Variants in ARHGAP10 observed in about 807,000 individuals in gnomAD.
ARHGAP10 encodes the protein rho GTPase-activating protein 10.
A neutral mutation model predicts 108.6 loss-of-function variants in ARHGAP10; 87 were observed. The observed-to-expected ratio is 0.80, with a 90% CI of 0.67 to 0.96. ARHGAP10 has a LOEUF of 0.96. Ranked by LOEUF, ARHGAP10 falls within the 40% of genes least tolerant of loss-of-function variation. The pLI is 0.00. For missense variants in ARHGAP10, 939 were observed against 954.5 expected, an observed-to-expected ratio of 0.98 and a Z score of 0.21; for synonymous variants, 347 against 341.1, an observed-to-expected ratio of 1.02 and a Z score of -0.19.
At chr4:148,066,595 C>T (rs1729888814) in intron 22 of ARHGAP10, among the ~76,000 whole-genome samples, 1 of 152,246 alleles carries the variant, frequency 6.6e-6, no homozygotes, top group African/African-American at 2.4e-5. Flanking sequence ...CATATGTACA[C>T]ACATGTGCAC....
At chr4:147,860,557 G>A (rs902436940) in intron 5 of ARHGAP10, among the ~76,000 whole-genome samples, 5 of 151,084 alleles carry the variant, frequency 3.3e-5, no homozygotes, top group African/African-American at 1.2e-4. Context: ...TGTTTATTGG[G>A]CATAATAGCT....
chr4:147,830,441 A>G (rs1164344693), intron 3 of ARHGAP10, among the ~76,000 whole-genome samples: 1 of 151,572 alleles, frequency 6.6e-6, no homozygotes, highest in East Asian at 1.9e-4. Flanking sequence ...TTTTGTTCCA[A>G]ACTATTAGGT....
At chr4:147,918,084 A>G (rs929487541) in intron 13 of ARHGAP10, among the ~76,000 whole-genome samples, 3 of 151,834 alleles carry the variant, frequency 2.0e-5, no homozygotes, top group African/African-American at 7.3e-5. Context: ...ATTTAAATAC[A>G]CTGGATTTTG....
At chr4:147,980,680 G>A (rs1739778375) in intron 18 of ARHGAP10, among the ~76,000 whole-genome samples, 1 of 152,102 alleles carries the variant, frequency 6.6e-6, no homozygotes, top group South Asian at 2.1e-4. Context: ...TTTCTTGGTT[G>A]GTAGGTTTTT....
At chr4:147,829,096 G>C (rs1732842996) in intron 3 of ARHGAP10, among the ~76,000 whole-genome samples, 1 of 151,364 alleles carries the variant, frequency 6.6e-6, no homozygotes, top group African/African-American at 2.4e-5. Context: ...CTGTTGCCCA[G>C]GCTGGAGTGC....
At chr4:147,848,633 C>T (rs1733730552) in intron 4 of ARHGAP10, among the ~76,000 whole-genome samples, 1 of 152,184 alleles carries the variant, frequency 6.6e-6, no homozygotes, top group African/African-American at 2.4e-5. Context: ...GTGTAAACAA[C>T]ATCCATTTCT....
chr4:147,833,750 G>T (rs560426628), intron 3 of ARHGAP10, among the ~76,000 whole-genome samples: 29 of 152,264 alleles, frequency 1.9e-4, no homozygotes, highest in African/African-American at 7.0e-4. Flanking sequence ...TTTTTTTGTG[G>T]TAGGATATAA....
At chr4:147,792,796 T>G (rs1731169253) in intron 1 of ARHGAP10, among the ~76,000 whole-genome samples, 1 of 152,178 alleles carries the variant, frequency 6.6e-6, no homozygotes, top group Non-Finnish European at 1.5e-5. Context: ...GTGAACTCCT[T>G]TTCAGCTGAG....
rs531013282 is a variant in ARHGAP10, at chr4:147,793,031, T to C, written c.155-29696T>C. ...TGCATGCCTGTAGTCCCAGCTACTC[T>C]GGAGGCTGAGGCAGGAGAATCACTT... On this transcript the variant is annotated intron_variant, in intron 1 of 22. Coordinates refer to ENST00000336498, the MANE Select transcript of ARHGAP10 (RefSeq NM_024605.4). Among the ~76,000 whole-genome samples, 27 of 152,084 alleles carry C rather than the reference T, an allele frequency of 1.8e-4. No homozygotes were observed. In the East Asian group the frequency reaches 3.1e-3, roughly 17 times the overall value.
chr4:147,759,923 AT>A (rs1729527989), intron 1 of ARHGAP10, among the ~76,000 whole-genome samples: 1 of 151,728 alleles, frequency 6.6e-6, no homozygotes. Context: ...TAATTTTTGT[AT>A]TTTTTAGTAG....
intron 19 of ARHGAP10, among the ~76,000 whole-genome samples, chr4:148,045,670 G>A (rs1471503188): frequency 6.7e-6 from 1 of 149,912 alleles, no homozygotes. Flanking sequence ...CCTGGGAGGC[G>A]GAGCTTGCGG....
At position 147,837,643 on chromosome 4, in the gene ARHGAP10, GTTTTTTT is replaced by G. The variant is rs59933316; in HGVS notation, c.313-9495_313-9489del. Among the ~76,000 whole-genome samples, 21 of 70,238 alleles carry G rather than the reference GTTTTTTT, an allele frequency of 3.0e-4. 1 individual carries two copies. Among genetic ancestry groups the G allele is most frequent in the Middle Eastern group, 0.016 (1 of 62 alleles). 46.1% of individuals were successfully genotyped at this position (70,238 alleles called of 152,430 possible). ...CACCTCGCTAGAATCTCTGGTCACT[GTTTTTTT>G]TTTTTTTTTTTTAAAGCAGTAGCTT... On this transcript the variant is annotated intron_variant, in intron 3 of 22. Transcript: ENST00000336498.
At chr4:147,984,796 A>C (rs532544839) in intron 18 of ARHGAP10, among the ~76,000 whole-genome samples, 57 of 152,280 alleles carry the variant, frequency 3.7e-4, no homozygotes, top group African/African-American at 1.3e-3. Flanking sequence ...GTTGAGTAGA[A>C]ACTTGATCCT....
chr4:148,046,533 G>A (rs141612150), intron 19 of ARHGAP10, among the ~76,000 whole-genome samples: 72 of 152,298 alleles, frequency 4.7e-4, no homozygotes, highest in Non-Finnish European at 8.7e-4. Context: ...GAAGAGGTTG[G>A]ACCCCACAGG....
At chr4:147,742,033 C>T (rs1728698046) in intron 1 of ARHGAP10, among the ~76,000 whole-genome samples, 1 of 151,832 alleles carries the variant, frequency 6.6e-6, no homozygotes, top group Non-Finnish European at 1.5e-5. Context: ...GACTTGTTTA[C>T]CCACAGGCAT....
chr4:148,071,648 C>T (rs919669799), intron 22 of ARHGAP10, among the ~76,000 whole-genome samples: 1 of 146,100 alleles, frequency 6.8e-6, no homozygotes, highest in Non-Finnish European at 1.5e-5. Context: ...CAAAAAAAAA[C>T]ACAAAAAGCT....
intron 15 of ARHGAP10, among the ~76,000 whole-genome samples, chr4:147,951,066 A>G (rs536781732): frequency 1.3e-5 from 2 of 152,244 alleles, no homozygotes; most frequent in Non-Finnish European, 2.9e-5. Flanking sequence ...TGTATGGGGA[A>G]CTTGTCATTT....
At chr4:147,955,067 A>G (rs545204482) in intron 15 of ARHGAP10, among the ~76,000 whole-genome samples, 18 of 152,176 alleles carry the variant, frequency 1.2e-4, no homozygotes, top group East Asian at 1.9e-4. Flanking sequence ...CCGTGATTAG[A>G]TATGAAATAC....
chr4:147,999,250 C>T lies in ARHGAP10; in HGVS notation c.1717-24013C>T, dbSNP rs1740598663. Reference sequence around the variant, plus strand: ...AGGAGGTAAATAAATAGCCAATCATCTATCACCTGAGAGCACAGCAGGAGG... The same window carrying T: ...AGGAGGTAAATAAATAGCCAATCATTTATCACCTGAGAGCACAGCAGGAGG... On this transcript the variant is annotated intron_variant, in intron 18 of 22. Transcript: ENST00000336498. Among the ~76,000 whole-genome samples, 6 of 152,338 alleles carry T rather than the reference C, an allele frequency of 3.9e-5. No individual in the cohort carries two copies. The South Asian group carries it at 1.2e-3, about 32-fold the overall frequency.
Sources: allele counts gnomAD v4.1 joint callset (sites outside exome capture counted in the v4.1 genomes callset), GRCh38; gene constraint gnomAD v4.1.1; transcripts MANE v1.5; gene names NCBI Gene and HGNC (gene_info 2026-07-23, HGNC 2026-07-21).